The following TEX264 variants were observed in gnomAD, a reference collection of about 807,000 sequenced individuals.
TEX264 encodes the protein testis-expressed protein 264.
TEX264 carries 13 observed loss-of-function variants against 23.4 expected under a neutral mutation model. The ratio of observed to expected loss-of-function variants is 0.56; its 90% confidence interval spans 0.36 to 0.88. The LOEUF is 0.88. TEX264 is among the 40% of genes least tolerant of loss of function. The pLI, the probability that TEX264 is intolerant of heterozygous loss-of-function variation, is 0.01. For synonymous variants in TEX264, 159 were observed against 170.0 expected, an observed-to-expected ratio of 0.94 and a Z score of 0.50; for missense variants, 340 against 406.8, an observed-to-expected ratio of 0.84 and a Z score of 1.41.
At chr3:51,680,692 A>T (rs192651871) in intron 2 of TEX264, among the ~76,000 whole-genome samples, 10 of 152,348 alleles carry the variant, frequency 6.6e-5, no homozygotes, top group Admixed American at 2.0e-4. Context: ...TTCTGGGCAG[A>T]GGTACCCAGA....
rs557931833 is a variant in TEX264 at position 51,691,448 on chromosome 3, G to A, written c.480+6814G>A. ...TCCTCTTCCACCTCCTCCAGCCACA[G>A]AGCCTAGCCATGCCTGGGTGTGGGG... On this transcript the variant is annotated intron_variant, in intron 3 of 4. Coordinates refer to ENST00000341333, the MANE Select transcript of TEX264 (RefSeq NM_015926.6). The surrounding 1 kb of genome is among the most constrained non-coding windows in gnomAD (Gnocchi z 4.4). Among the ~76,000 whole-genome samples, 1 of 152,336 alleles carries A rather than the reference G, an allele frequency of 6.6e-6. No homozygotes were observed. Among genetic ancestry groups the A allele is most frequent in the East Asian group, 1.9e-4 (1 of 5,186 alleles).
chr3:51,673,005 C>T (rs912913910), intron 1 of TEX264, among the ~76,000 whole-genome samples: 1 of 152,268 alleles, frequency 6.6e-6, no homozygotes, highest in African/African-American at 2.4e-5. Flanking sequence ...AATTTCTTGA[C>T]ACCGAAAGTT....
At chr3:51,674,653 G>A (rs1210170950) in intron 2 of TEX264, 91 bp downstream of exon 2, 3 of 1,500,338 alleles carry the variant, frequency 2.0e-6, no homozygotes, top group Middle Eastern at 2.3e-4. Context: ...TGAGGAAAGG[G>A]TGGGAGAATC....
chr3:51,689,963 G>A (rs1702769049), intron 3 of TEX264, among the ~76,000 whole-genome samples: 1 of 152,172 alleles, frequency 6.6e-6, no homozygotes, highest in South Asian at 2.1e-4. Context: ...ACTCCTGAGT[G>A]GTGGGTGATA....
rs201594052 is a variant in TEX264, at chr3:51,684,535, A to G, written c.381A>G (p.Ala127=). Reference sequence around the variant, plus strand: ...GCTTCAAGGTGTTCTCCTTCCCGGCACCCAGCCATGTGGTGACAGCCACCT... The same window carrying G: ...GCTTCAAGGTGTTCTCCTTCCCGGCGCCCAGCCATGTGGTGACAGCCACCT... ...KFGFKVFSFP[A]PSHVVTATFP... is the part of the protein sequence containing the mutation. The change falls in exon 3 of 5, where the codon GCA becomes GCG. Residue 127 remains alanine (A), a synonymous_variant. Transcript: ENST00000341333. The G allele has an allele frequency of 6.2e-7, 1 of 1,614,036 alleles. No homozygotes were observed. The highest frequency in any genetic ancestry group is 8.5e-7 in the Non-Finnish European group (1 of 1,179,992).
chr3:51,687,083 G>A (rs894044534), intron 3 of TEX264, among the ~76,000 whole-genome samples: 1 of 152,218 alleles, frequency 6.6e-6, no homozygotes, highest in Non-Finnish European at 1.5e-5. Flanking sequence ...TGCTCCTGGA[G>A]TGGGGGTTGA....
In TEX264 at chr3:51,686,431, T is replaced by C. The variant is rs1702621795; in HGVS notation, c.480+1797T>C. On this transcript the variant is annotated intron_variant, in intron 3 of 4. Coordinates refer to ENST00000341333, the MANE Select transcript of TEX264 (RefSeq NM_015926.6). The surrounding 1 kb of genome is among the most constrained non-coding windows in gnomAD (Gnocchi z 4.1). ...ATGGAAATGGGAGTTCAGATGTCCCTGGAGTCTGGTGTTGGGGCTGAGGAA... is the reference window on the plus strand; with the variant it reads ...ATGGAAATGGGAGTTCAGATGTCCCCGGAGTCTGGTGTTGGGGCTGAGGAA... 6.6e-6 allele frequency among the ~76,000 whole-genome samples: 1 copy of C among 152,120 alleles called. No homozygotes were observed. The highest frequency in any genetic ancestry group is 1.5e-5 in the Non-Finnish European group (1 of 68,018).
intron 3 of TEX264, among the ~76,000 whole-genome samples, chr3:51,695,617 G>A (rs1169024961): frequency 6.6e-6 from 1 of 152,242 alleles, no homozygotes; most frequent in Non-Finnish European, 1.5e-5. Flanking sequence ...GGAAAGCTTG[G>A]CCTGGTGTAT....
intron 4 of TEX264, among the ~76,000 whole-genome samples, chr3:51,700,210 G>A (rs1197701721): frequency 6.6e-6 from 1 of 152,120 alleles, no homozygotes; most frequent in Non-Finnish European, 1.5e-5. Context: ...ACCCCGGGCT[G>A]TCTCAGGCAC....
In TEX264 at chr3:51,703,890, TTTTGAGGAGC is replaced by T; in HGVS notation, c.818_827del (p.Phe273TrpfsTer9). The T allele has an allele frequency of 6.2e-7, 1 of 1,611,862 alleles. No individual in the cohort carries two copies. The highest frequency in any genetic ancestry group is 8.5e-7 in the Non-Finnish European group (1 of 1,178,578). Reference sequence around the variant, plus strand: ...GCGAGTCAGGTGCCAGCGGCTCCTCTTTTGAGGAGCTGGACTTGGAGGGCGAGGGGCCCTT... The same window carrying T: ...GCGAGTCAGGTGCCAGCGGCTCCTCTTGGACTTGGAGGGCGAGGGGCCCTT... On this transcript the variant is annotated frameshift_variant, in exon 5 of 5. Transcript: ENST00000341333. LOFTEE classifies it low-confidence loss of function (END_TRUNC). This position sits in a 1 kb window ranked among gnomAD's most constrained non-coding sequence, Gnocchi z 4.8.
At chr3:51,701,722 C>T (rs1703312221) in intron 4 of TEX264, among the ~76,000 whole-genome samples, 1 of 152,170 alleles carries the variant, frequency 6.6e-6, no homozygotes, top group African/African-American at 2.4e-5. Context: ...ACCTCCACCT[C>T]GTGGGTTCAA....
At chr3:51,698,918 T>C (rs1577533409) in intron 3 of TEX264, among the ~76,000 whole-genome samples, 1 of 152,058 alleles carries the variant, frequency 6.6e-6, no homozygotes. Flanking sequence ...GGACTGGGGG[T>C]GCTGGTCTTC....
chr3:51,690,644 T>G (rs1202078148), intron 3 of TEX264, among the ~76,000 whole-genome samples: 1 of 152,162 alleles, frequency 6.6e-6, no homozygotes, highest in East Asian at 1.9e-4. Context: ...CTGTCACCTT[T>G]GCCAAGCTAA....
chr3:51,673,064 C>T (rs565727810), intron 1 of TEX264, among the ~76,000 whole-genome samples: 2 of 152,272 alleles, frequency 1.3e-5, no homozygotes, highest in African/African-American at 4.8e-5. Context: ...TGCTCATTGA[C>T]TCCAAAGACA....
chr3:51,700,512 G>T (rs1185423749), intron 4 of TEX264, among the ~76,000 whole-genome samples: 1 of 152,078 alleles, frequency 6.6e-6, no homozygotes, highest in Non-Finnish European at 1.5e-5. Flanking sequence ...CCTCCATGGG[G>T]TACAGCTCCC....
chr3:51,703,698 C>T lies in TEX264; in HGVS notation c.650-26C>T. ...GAGGGGGTGGGGTGGTCCTAGCTAACCTGTGCTCCCTTTTCCTGGTCATAG... is the reference window on the plus strand; with the variant it reads ...GAGGGGGTGGGGTGGTCCTAGCTAATCTGTGCTCCCTTTTCCTGGTCATAG... On this transcript the variant is annotated intron_variant, in intron 4 of 4. Coordinates refer to ENST00000341333, the MANE Select transcript of TEX264 (RefSeq NM_015926.6). The surrounding 1 kb of genome is among the most constrained non-coding windows in gnomAD (Gnocchi z 4.8). The T allele has an allele frequency of 6.4e-7, 1 of 1,558,318 alleles. No individual in the cohort carries two copies. Among genetic ancestry groups the T allele is most frequent in the Non-Finnish European group, 8.7e-7 (1 of 1,145,262 alleles).
intron 3 of TEX264, among the ~76,000 whole-genome samples, chr3:51,687,505 A>G (rs546353402): frequency 6.6e-6 from 1 of 152,106 alleles, no homozygotes; most frequent in East Asian, 1.9e-4. Flanking sequence ...GTTGCGTCTC[A>G]CTCTTCTAGC....
At chr3:51,687,854 G>A (rs1250354068) in intron 3 of TEX264, among the ~76,000 whole-genome samples, 2 of 152,186 alleles carry the variant, frequency 1.3e-5, no homozygotes, top group East Asian at 1.9e-4. Flanking sequence ...TGAAGTTCAC[G>A]GCGAGAGGCC....
intron 2 of TEX264, 127 bp downstream of exon 2, chr3:51,674,689 C>G: frequency 8.9e-7 from 1 of 1,128,938 alleles, no homozygotes; most frequent in Non-Finnish European, 1.2e-6. Context: ...CAGACCCCTC[C>G]TCTATGAGCT....
Sources: allele counts gnomAD v4.1 joint callset (sites outside exome capture counted in the v4.1 genomes callset), GRCh38; gene constraint gnomAD v4.1.1; non-coding constraint Gnocchi (gnomAD v3.1); transcripts MANE v1.5; gene names NCBI Gene and HGNC (gene_info 2026-07-23, HGNC 2026-07-21).